DMD: variants seen among roughly 807,000 people sequenced by gnomAD.
DMD encodes the protein mutant dystrophin.
A neutral mutation model predicts 330.1 loss-of-function variants in DMD; 63 were observed. The observed-to-expected ratio is 0.19, with a 90% CI of 0.16 to 0.24. The LOEUF (loss-of-function observed/expected upper bound fraction) is 0.24. DMD is among the 10% of genes least tolerant of loss of function. The pLI is 1.00. For missense variants in DMD, 3,344 were observed against 2,684.1 expected (o/e 1.25, Z -5.43); for synonymous variants, 1,223 against 959.8 (o/e 1.27, Z -5.07).
At chrX:32,092,258 C>T (rs2096479987) in intron 44 of DMD, among the ~76,000 whole-genome samples, 1 of 112,022 alleles carries the variant, frequency 8.9e-6, no homozygotes, top group Non-Finnish European at 1.9e-5. Context: ...AAAGTATTCA[C>T]CCACACCGTA....
chrX:31,448,011 C>CAA (rs1198070119), intron 59 of DMD, among the ~76,000 whole-genome samples: 373 of 34,900 alleles, frequency 0.011, no homozygotes, highest in African/African-American at 0.016. Context: ...ACTCTGTCTC[C>CAA]AAAAAAAAAA....
chrX:31,799,788 TG>T (rs749270015), intron 50 of DMD, among the ~76,000 whole-genome samples: 1 of 112,064 alleles, frequency 8.9e-6, no homozygotes, highest in Non-Finnish European at 1.9e-5. Context: ...CAGGATACAA[TG>T]GGGGGTACAG....
intron 39 of DMD, among the ~76,000 whole-genome samples, chrX:32,344,670 T>C (rs909028037): frequency 9.0e-5 from 10 of 111,341 alleles, no homozygotes; most frequent in African/African-American, 3.3e-4. Flanking sequence ...GAAACATCTT[T>C]CATTTCCTAA....
intron 4 of DMD, among the ~76,000 whole-genome samples, chrX:32,831,920 C>A (rs2079187449): frequency 9.0e-6 from 1 of 110,691 alleles, no homozygotes. Flanking sequence ...ATGGTGTCTG[C>A]CTCTTCTTGC....
chrX:31,574,146 G>GTTTTTTTTTTTTTTTTTTTTGT (rs749028855), intron 55 of DMD, among the ~76,000 whole-genome samples: 1 of 75,989 alleles, frequency 1.3e-5, no homozygotes, highest in Non-Finnish European at 2.6e-5. Flanking sequence ...TTTTTTTTTT[G>GTTTTTTTTTTTTTTTTTTTTGT]TTTTTTTTTT....
intron 7 of DMD, among the ~76,000 whole-genome samples, chrX:32,732,733 G>A (rs1052232689): frequency 2.1e-4 from 23 of 110,393 alleles, no homozygotes; most frequent in Admixed American, 1.6e-3. Flanking sequence ...GTCACCACCA[G>A]GCCTGCCCTA....
At chrX:32,721,791 T>G (rs915190137) in intron 7 of DMD, among the ~76,000 whole-genome samples, 3 of 111,021 alleles carry the variant, frequency 2.7e-5, no homozygotes. Flanking sequence ...TTTTCCTCTC[T>G]GTTTTCTTCT....
intron 9 of DMD, among the ~76,000 whole-genome samples, chrX:32,674,841 A>C (rs1331221083): frequency 9.0e-6 from 1 of 111,422 alleles, no homozygotes; most frequent in Non-Finnish European, 1.9e-5. Context: ...ATCCATAATA[A>C]AACTCTGTAT....
chrX:32,614,119 G>A (rs374887616), intron 12 of DMD, among the ~76,000 whole-genome samples, 184 bp downstream of exon 12: 104 of 110,570 alleles, frequency 9.4e-4, no homozygotes, highest in African/African-American at 3.2e-3. Flanking sequence ...AATTTTGGAG[G>A]GGACTTATTC....
At chrX:32,911,165 C>T (rs181186146) in intron 2 of DMD, among the ~76,000 whole-genome samples, 63 of 112,253 alleles carry the variant, frequency 5.6e-4, no homozygotes, top group African/African-American at 2.0e-3. Context: ...CACTGAAGGT[C>T]CATGATAGTG....
chrX:32,455,440 T>A (rs926486456), intron 25 of DMD, among the ~76,000 whole-genome samples: 6 of 111,239 alleles, frequency 5.4e-5, no homozygotes, highest in African/African-American at 1.9e-4. Context: ...GGAAAAATAA[T>A]AATTAATAAA....
chrX:32,094,296 A>C (rs1752338103), intron 44 of DMD, among the ~76,000 whole-genome samples: 1 of 112,182 alleles, frequency 8.9e-6, no homozygotes, highest in Admixed American at 9.5e-5. Flanking sequence ...ATTAGTGGCA[A>C]TAATAAATAA....
chrX:31,331,664 G>T, intron 61 of DMD, among the ~76,000 whole-genome samples: 1 of 111,863 alleles, frequency 8.9e-6, no homozygotes, highest in Non-Finnish European at 1.9e-5. Flanking sequence ...TCCAGGTAAT[G>T]GTGGTTACAG....
At chrX:32,710,736 A>G (rs1160927346) in intron 7 of DMD, among the ~76,000 whole-genome samples, 1 of 111,226 alleles carries the variant, frequency 9.0e-6, no homozygotes, top group Admixed American at 9.6e-5. Flanking sequence ...ACTCCTTAGA[A>G]CTTTGGAAGC....
Position 32,343,168 on chromosome X carries a change from C to T in DMD, c.5705G>A (p.Ser1902Asn), listed in dbSNP as rs756718738. The T allele has an allele frequency of 1.7e-6, 2 of 1,210,786 alleles. No homozygotes were observed. The highest frequency in any genetic ancestry group is 2.2e-6 in the Non-Finnish European group (2 of 894,963). Residue 1902 changes from serine to asparagine, a missense_variant, in exon 40 of 79, where the codon AGC (serine) becomes AAC (asparagine). By Grantham distance (46) the Ser-to-Asn change is conservative. Coordinates refer to ENST00000357033, the MANE Select transcript of DMD (RefSeq NM_004006.3). ...CCTTTCATCTCTGGGCTCAGGTAGG[C>T]TGGCTAATTTTTTTTCAATGTCATC... ...CLDDIEKKLA[S>N]LPEPRDERKI...
Position 31,128,883 on chromosome X carries a change from G to A in DMD, c.11015-2210C>T, listed in dbSNP as rs144357699. Among the ~76,000 whole-genome samples the A allele has an allele frequency of 8.3e-3, 934 of 112,327 alleles. 11 individuals are homozygous for A. The highest frequency in any genetic ancestry group is 0.028 in the African/African-American group (875 of 30,988). ...GATATTTTCTACTGTAAAAGGACTAGTTCTACGCTGACAAAACAGAGGCTA... is the reference window on the plus strand; with the variant it reads ...GATATTTTCTACTGTAAAAGGACTAATTCTACGCTGACAAAACAGAGGCTA... On this transcript the variant is annotated intron_variant, in intron 77 of 78. Coordinates refer to ENST00000357033, the MANE Select transcript of DMD (RefSeq NM_004006.3).
intron 51 of DMD, among the ~76,000 whole-genome samples, chrX:31,762,066 G>A (rs1166415212): frequency 8.9e-6 from 1 of 112,274 alleles, no homozygotes; most frequent in Non-Finnish European, 1.9e-5. Context: ...AAGATCCTTA[G>A]AAGTTAGGAA....
intron 60 of DMD, among the ~76,000 whole-genome samples, chrX:31,434,428 A>G (rs866348901): frequency 0.081 from 6,004 of 73,697 alleles, 240 homozygotes; most frequent in East Asian, 0.22. Flanking sequence ...GCACACACAC[A>G]CACACACACA....
chrX:32,494,206 C>T (rs1034437258), intron 19 of DMD, among the ~76,000 whole-genome samples: 1 of 110,977 alleles, frequency 9.0e-6, no homozygotes, highest in Non-Finnish European at 1.9e-5. Flanking sequence ...CTATGTTTTG[C>T]CCCCCAAAAA....
Sources: allele counts gnomAD v4.1 joint callset (sites outside exome capture counted in the v4.1 genomes callset), GRCh38; gene constraint gnomAD v4.1.1; transcripts MANE v1.5; gene names NCBI Gene and HGNC (gene_info 2026-07-23, HGNC 2026-07-21).